STK3: variants seen among roughly 807,000 people sequenced by gnomAD.
STK3 encodes serine/threonine kinase 3.
In STK3, 41 loss-of-function variants were observed where a neutral mutation model predicts 58.0. The ratio of observed to expected loss-of-function variants is 0.71; its 90% CI spans 0.55 to 0.92. STK3 has a LOEUF of 0.92. STK3 is among the 40% of genes least tolerant of loss of function. The pLI is 0.00. For missense variants in STK3, 479 were observed against 602.7 expected (o/e 0.79, Z 2.15); for synonymous variants, 170 against 191.0 (o/e 0.89, Z 0.91).
chr8:98,590,723 ATGTAAGTT>A (rs1434593673), intron 7 of STK3, among the ~76,000 whole-genome samples: 3 of 152,208 alleles, frequency 2.0e-5, no homozygotes, highest in Non-Finnish European at 2.9e-5. Flanking sequence ...GTTGGATTTT[ATGTAAGTT>A]TGTAAGTTTA....
chr8:98,820,261 T>A (rs1018771524), intron 1 of STK3, among the ~76,000 whole-genome samples: 24 of 152,276 alleles, frequency 1.6e-4, no homozygotes, highest in African/African-American at 5.5e-4. Flanking sequence ...TAATAAAAAA[T>A]TGCCACAGAA....
chr8:98,825,549 G>A lies in STK3; in HGVS notation c.-9C>T. ...GCCGGCGGCTGCTCCATGGCGGCCG[G>A]GGACAGAGAGAGGGACCTGGTGGAC... On this transcript the variant is annotated 5_prime_UTR_variant, in exon 1 of 11. Transcript: ENST00000419617. 1.4e-6 allele frequency: 2 copies of A among 1,457,062 alleles called. No individual in the cohort carries two copies. Among genetic ancestry groups the A allele is most frequent in the South Asian group, 1.3e-5 (1 of 76,902 alleles). The allele number at this position is 1,457,062 out of a possible 1,614,324, so 90.3% of individuals were successfully genotyped here. A position where few individuals can be genotyped will look rare whatever the true frequency, so the allele number is the denominator to read the frequency against.
intron 4 of STK3, among the ~76,000 whole-genome samples, chr8:98,739,192 A>G (rs1828946880): frequency 6.6e-6 from 1 of 152,218 alleles, no homozygotes; most frequent in Admixed American, 6.5e-5. Flanking sequence ...GACAGCAGTA[A>G]CCTCTGCAGA....
intron 1 of STK3, among the ~76,000 whole-genome samples, chr8:98,446,077 A>T (rs1400377205): frequency 6.6e-6 from 1 of 152,222 alleles, no homozygotes; most frequent in Non-Finnish European, 1.5e-5. Context: ...TCAGACACCG[A>T]AAGGTATGCT....
At chr8:98,348,295 T>A in the STK3 span, among the ~76,000 whole-genome samples, 1 of 152,062 alleles carries the variant, frequency 6.6e-6, no homozygotes, top group Non-Finnish European at 1.5e-5. Context: ...AATCCAAAAC[T>A]ATAAAACTAG....
downstream of STK3, chr8:98,882,835 C>G (rs1347434822): frequency 1.3e-5 from 2 of 152,232 alleles, no homozygotes; most frequent in Non-Finnish European, 2.9e-5. Flanking sequence ...TATCATTACT[C>G]CTACCATCAC....
At chr8:98,840,553 C>T (rs911938054) in intron 3 of STK3, among the ~76,000 whole-genome samples, 3 of 129,174 alleles carry the variant, frequency 2.3e-5, no homozygotes, top group Non-Finnish European at 4.8e-5. Context: ...CCTGGGGCAA[C>T]AGAGTGACAA....
rs115440051 is a variant in STK3 at position 98,760,468 on chromosome 8, C to T, written c.236+6775G>A. On this transcript the variant is annotated intron_variant, in intron 3 of 10. Coordinates refer to ENST00000419617, the MANE Select transcript of STK3 (RefSeq NM_006281.4). ...TTTGTCTCTTTTAAAGAGGAGTAAG[C>T]AGCTATGTCTTTGAAAATTTCACTG... 4.5e-3 allele frequency among the ~76,000 whole-genome samples: 686 copies of T among 152,218 alleles called. 6 individuals are homozygous for T. Among genetic ancestry groups the T allele is most frequent in the African/African-American group, 0.016 (653 of 41,528 alleles).
chr8:98,788,556 A>G (rs1248916828), intron 1 of STK3, among the ~76,000 whole-genome samples: 1 of 152,202 alleles, frequency 6.6e-6, no homozygotes, highest in Non-Finnish European at 1.5e-5. Context: ...AAGGACTCAC[A>G]TAAACTTAAG....
intron 1 of STK3, chr8:98,905,805 A>G: frequency 2.7e-6 from 1 of 371,248 alleles, no homozygotes; most frequent in South Asian, 2.6e-5. Flanking sequence ...GCAACGAACG[A>G]TTCACAAATT....
intron 4 of STK3, among the ~76,000 whole-genome samples, chr8:98,736,688 C>G (rs1032044100): frequency 6.6e-6 from 1 of 152,102 alleles, no homozygotes; most frequent in African/African-American, 2.4e-5. Context: ...AAGCACAATT[C>G]CACACACAAA....
chr8:98,788,462 C>CA lies in STK3; in HGVS notation c.27-13644dup, dbSNP rs371210857. Reference sequence around the variant, plus strand: ...CAGAAAAAACAAACAAACAAACAAACAAAAAAAAAAATACATATATAATTG... The same window carrying CA: ...CAGAAAAAACAAACAAACAAACAAACAAAAAAAAAAAATACATATATAATTG... On this transcript the variant is annotated intron_variant, in intron 1 of 10. Transcript: ENST00000419617. Among the ~76,000 whole-genome samples, 81 of 143,004 alleles carry CA rather than the reference C, an allele frequency of 5.7e-4. 1 individual carries two copies. Among genetic ancestry groups the CA allele is most frequent in the South Asian group, 1.3e-3 (6 of 4,484 alleles). The allele number at this position is 143,004 out of a possible 152,430, so 93.8% of individuals were successfully genotyped here. A position where few individuals can be genotyped will look rare whatever the true frequency, so the allele number is the denominator to read the frequency against.
intron 6 of STK3, among the ~76,000 whole-genome samples, chr8:98,629,832 C>T (rs1405973196): frequency 1.3e-5 from 2 of 152,120 alleles, no homozygotes; most frequent in African/African-American, 2.4e-5. Flanking sequence ...GAGTGCTTTT[C>T]GCATGCAAAC....
upstream of STK3, among the ~76,000 whole-genome samples, chr8:98,828,589 GAAAA>G (rs1835414461): frequency 6.6e-6 from 1 of 150,552 alleles, no homozygotes; most frequent in Non-Finnish European, 1.5e-5. Flanking sequence ...TCAAAAGAAA[GAAAA>G]GAAAGAAAGA....
At chr8:98,534,883 C>A (rs749725372) in intron 9 of STK3, among the ~76,000 whole-genome samples, 7 of 152,104 alleles carry the variant, frequency 4.6e-5, no homozygotes, top group Non-Finnish European at 8.8e-5. Context: ...TTTTTATAAA[C>A]CAATTGAGTA....
upstream of STK3, among the ~76,000 whole-genome samples, chr8:98,388,780 T>A (rs1586545335): frequency 6.6e-6 from 1 of 152,230 alleles, no homozygotes; most frequent in South Asian, 2.1e-4. Flanking sequence ...AATTTGCTGA[T>A]TGACTAGTTG....
intron 1 of STK3, among the ~76,000 whole-genome samples, chr8:98,892,014 A>G (rs1202433884): frequency 3.9e-5 from 6 of 152,158 alleles, no homozygotes; most frequent in Non-Finnish European, 1.5e-5. Context: ...AAAGGTAAAT[A>G]TCTGGGGTAG....
At position 98,924,688 on chromosome 8, in the gene STK3, A is replaced by C. The variant is rs959325922; in HGVS notation, c.-79+17690T>G. On this transcript the variant is annotated intron_variant, in intron 1 of 1. Transcript: ENST00000519420. Reference sequence around the variant, plus strand: ...TACCACATAGGCAACAGTCCTTGTAAAAAGCCAGAACTGAGGAACAAACCT... The same window carrying C: ...TACCACATAGGCAACAGTCCTTGTACAAAGCCAGAACTGAGGAACAAACCT... Among the ~76,000 whole-genome samples, 7 of 152,250 alleles carry C rather than the reference A, an allele frequency of 4.6e-5. No homozygotes were observed. The South Asian group carries it at 1.4e-3, about 32-fold the overall frequency.
intron 6 of STK3, among the ~76,000 whole-genome samples, chr8:98,603,068 C>T (rs1160626596): frequency 6.6e-6 from 1 of 152,070 alleles, no homozygotes; most frequent in Non-Finnish European, 1.5e-5. Flanking sequence ...AAGGTTAGCT[C>T]TGGGTATCTT....
Sources: allele counts gnomAD v4.1 joint callset (sites outside exome capture counted in the v4.1 genomes callset), GRCh38; gene constraint gnomAD v4.1.1; transcripts MANE v1.5; gene names NCBI Gene and HGNC (gene_info 2026-07-23, HGNC 2026-07-21).